ELP4: variants seen among roughly 807,000 people sequenced by gnomAD.
ELP4 encodes the protein elongator complex protein 4.
ELP4 carries 51 observed loss-of-function variants against 48.9 expected under a neutral mutation model. That is an observed-to-expected ratio of 1.04 (90% CI 0.83 to 1.32). ELP4 has a LOEUF of 1.32. Ranked by LOEUF, ELP4 falls within the 40% of genes most tolerant of loss-of-function variation. The pLI, the probability that ELP4 is intolerant of heterozygous loss-of-function variation, is 0.00. For synonymous variants in ELP4, 210 were observed against 189.2 expected, an observed-to-expected ratio of 1.11 and a Z score of -0.90; for missense variants, 519 against 514.6, an observed-to-expected ratio of 1.01 and a Z score of -0.08.
chr11:31,654,665 G>T (rs1220486607), intron 9 of ELP4: 2 of 151,790 alleles, frequency 1.3e-5, no homozygotes, highest in Non-Finnish European at 2.9e-5. Context: ...CCAATTACAG[G>T]ACAGGGGTGC....
chr11:31,753,479 A>T (rs753673252), intron 9 of ELP4, among the ~76,000 whole-genome samples: 31 of 152,238 alleles, frequency 2.0e-4, no homozygotes, highest in Non-Finnish European at 3.7e-4. Flanking sequence ...AAAGCCTGGG[A>T]GTCAAGTAAG....
At chr11:31,564,953 C>G (rs1041678165) in intron 3 of ELP4, among the ~76,000 whole-genome samples, 1 of 152,216 alleles carries the variant, frequency 6.6e-6, no homozygotes, top group Non-Finnish European at 1.5e-5. Flanking sequence ...AATCGCCACA[C>G]TGTCTTCCAC....
In ELP4 at chr11:31,594,903, C is replaced by G. The variant is rs1957646496; in HGVS notation, c.513+2C>G. 1 of 1,548,806 alleles carries G rather than the reference C, an allele frequency of 6.5e-7. No homozygotes were observed. Among genetic ancestry groups the G allele is most frequent in the South Asian group, 1.3e-5 (1 of 77,254 alleles). ...TACCAGTTATTACCCAAGATGGAGGCAAGTAAACATACAAATTCTTTCCAA... is the reference window on the plus strand; with the variant it reads ...TACCAGTTATTACCCAAGATGGAGGGAAGTAAACATACAAATTCTTTCCAA... On this transcript the variant is annotated splice_donor_variant, in intron 4 of 9. Coordinates refer to ENST00000640961, the MANE Select transcript of ELP4 (RefSeq NM_019040.5). LOFTEE classifies it high-confidence loss of function.
chr11:31,727,372 G>C (rs1243008393), intron 9 of ELP4, among the ~76,000 whole-genome samples: 1 of 152,132 alleles, frequency 6.6e-6, no homozygotes, highest in African/African-American at 2.4e-5. Flanking sequence ...TATGGGAGAA[G>C]GAGGACTTGG....
chr11:31,555,185 C>T (rs1392496484), intron 3 of ELP4, among the ~76,000 whole-genome samples: 1 of 152,016 alleles, frequency 6.6e-6, no homozygotes, highest in East Asian at 1.9e-4. Context: ...ACTATATGTG[C>T]TATGTACTAT....
At chr11:31,737,174 T>C (rs1947338925) in intron 9 of ELP4, among the ~76,000 whole-genome samples, 1 of 152,180 alleles carries the variant, frequency 6.6e-6, no homozygotes, top group African/African-American at 2.4e-5. Context: ...TGTAGAGACA[T>C]GGATGAAGCT....
At position 31,550,869 on chromosome 11, in the gene ELP4, A is replaced by G. The variant is rs1455770977; in HGVS notation, c.381+11086A>G. 2.0e-5 allele frequency among the ~76,000 whole-genome samples: 3 copies of G among 152,202 alleles called. No homozygotes were observed. In the East Asian group the frequency reaches 5.8e-4, roughly 29 times the overall value. Reference sequence around the variant, plus strand: ...ACAAACAAAATGCCTTGAGCATCCCAAAAAGCTATTGTCATGACCTTTGCT... The same window carrying G: ...ACAAACAAAATGCCTTGAGCATCCCGAAAAGCTATTGTCATGACCTTTGCT... On this transcript the variant is annotated intron_variant, in intron 3 of 9. Coordinates refer to ENST00000640961, the MANE Select transcript of ELP4 (RefSeq NM_019040.5).
At chr11:31,698,814 T>G (rs1355447865) in intron 9 of ELP4, among the ~76,000 whole-genome samples, 2 of 152,032 alleles carry the variant, frequency 1.3e-5, no homozygotes, top group African/African-American at 2.4e-5. Context: ...GAGGAGGAGG[T>G]GATTGCTGTA....
At chr11:31,712,972 G>A (rs549299385) in intron 9 of ELP4, among the ~76,000 whole-genome samples, 1 of 152,200 alleles carries the variant, frequency 6.6e-6, no homozygotes, top group Non-Finnish European at 1.5e-5. Context: ...TCTGATTCTT[G>A]TAATATTCTC....
At chr11:31,713,854 T>C (rs1039720842) in intron 9 of ELP4, among the ~76,000 whole-genome samples, 1 of 151,810 alleles carries the variant, frequency 6.6e-6, no homozygotes, top group Non-Finnish European at 1.5e-5. Flanking sequence ...CAAGGGGAGG[T>C]AACAGGGAAA....
chr11:31,509,816 C>T lies in ELP4; in HGVS notation c.32C>T (p.Ala11Val), dbSNP rs1363307341. 1 of 1,614,116 alleles carries T rather than the reference C, an allele frequency of 6.2e-7. No individual in the cohort carries two copies. Among genetic ancestry groups the T allele is most frequent in the African/African-American group, 1.3e-5 (1 of 75,038 alleles). MAAVATCGSV[A>V]ASTGSAVATA... ...GCAGTGGCAACCTGCGGTAGTGTTG[C>T]CGCGAGTACTGGGTCTGCAGTGGCG... Residue 11 changes from alanine (A) to valine (V), a missense_variant, in exon 1 of 10, where the codon GCC becomes GTC. Physicochemically the swap from Ala to Val is moderately conservative, Grantham distance 64 (BLOSUM62 0). Coordinates refer to ENST00000640961, the MANE Select transcript of ELP4 (RefSeq NM_019040.5).
At chr11:31,644,905 G>A (rs1945171040) in intron 7 of ELP4, among the ~76,000 whole-genome samples, 1 of 151,668 alleles carries the variant, frequency 6.6e-6, no homozygotes, top group Non-Finnish European at 1.5e-5. Context: ...CATTTTCTCA[G>A]TCAGAAACTT....
At chr11:31,671,370 G>T (rs1945803436) in intron 9 of ELP4, among the ~76,000 whole-genome samples, 1 of 152,120 alleles carries the variant, frequency 6.6e-6, no homozygotes, top group Non-Finnish European at 1.5e-5. Flanking sequence ...AGTGCCATTA[G>T]AAAGTATTTA....
At chr11:31,691,372 A>G (rs1946277371) in intron 9 of ELP4, among the ~76,000 whole-genome samples, 2 of 152,154 alleles carry the variant, frequency 1.3e-5, no homozygotes, top group Admixed American at 6.6e-5. Context: ...TAGATATAAT[A>G]TATCTAATGA....
chr11:31,509,961 A>G lies in ELP4; in HGVS notation c.177A>G (p.Gly59=). 1 of 1,612,912 alleles carries G rather than the reference A, an allele frequency of 6.2e-7. No homozygotes were observed. Among genetic ancestry groups the G allele is most frequent in the Non-Finnish European group, 8.5e-7 (1 of 1,180,020 alleles). ...GCACGCGACCGTCGGTGCGGAATGGACAGCTGCTGGTATCAACCGGGCTCC... is the reference window on the plus strand; with the variant it reads ...GCACGCGACCGTCGGTGCGGAATGGGCAGCTGCTGGTATCAACCGGGCTCC... ...IAGTRPSVRN[G]QLLVSTGLPA... is the part of the protein sequence containing the mutation. Residue 59 remains glycine, a synonymous_variant, in exon 1 of 10, where the codon GGA becomes GGG. Coordinates refer to ENST00000640961, the MANE Select transcript of ELP4 (RefSeq NM_019040.5).
At chr11:31,530,347 G>A (rs1034827205) in intron 2 of ELP4, among the ~76,000 whole-genome samples, 9 of 152,084 alleles carry the variant, frequency 5.9e-5, no homozygotes, top group Non-Finnish European at 1.2e-4. Context: ...TCATATGTAC[G>A]TAACAAAAAC....
intron 9 of ELP4, among the ~76,000 whole-genome samples, chr11:31,660,749 A>G (rs1250249698): frequency 6.6e-6 from 1 of 152,096 alleles, no homozygotes; most frequent in African/African-American, 2.4e-5. Context: ...GTTTCAAAGT[A>G]GTTGGGATTT....
intron 2 of ELP4, among the ~76,000 whole-genome samples, chr11:31,527,341 C>T (rs1417401256): frequency 6.6e-6 from 1 of 152,040 alleles, no homozygotes; most frequent in Non-Finnish European, 1.5e-5. Flanking sequence ...CTCCAGACAT[C>T]GCTACATATA....
intron 9 of ELP4, among the ~76,000 whole-genome samples, chr11:31,774,346 G>A (rs966270577): frequency 1.3e-5 from 2 of 152,110 alleles, no homozygotes; most frequent in Non-Finnish European, 2.9e-5. Flanking sequence ...GCCACTTAAC[G>A]AAGGTATTTA....
Sources: gnomAD v4.1 joint callset for allele counts (sites outside exome capture counted in the v4.1 genomes callset) on GRCh38, gnomAD v4.1.1 for gene constraint, MANE v1.5 for transcripts, NCBI Gene and HGNC (gene_info 2026-07-23, HGNC 2026-07-21) for gene names.